Variants in FHAD1 observed in about 807,000 individuals in gnomAD.
FHAD1 encodes the protein forkhead-associated domain-containing protein 1.
A neutral mutation model predicts 191.3 loss-of-function variants in FHAD1; 146 were observed. The ratio of observed to expected loss-of-function variants is 0.76; its 90% confidence interval spans 0.67 to 0.88. FHAD1 has a LOEUF of 0.88. Among genes scored for constraint, FHAD1 ranks in the 40% least tolerant of loss-of-function variants. The pLI is 0.00. For missense variants in FHAD1, 1,635 were observed against 1,785.8 expected (o/e 0.92, Z 1.52); for synonymous variants, 616 against 672.3 (o/e 0.92, Z 1.29).
rs1220249300 is a variant in FHAD1, at chr1:15,381,753, C to T, written c.4023-275C>T. On this transcript the variant is annotated intron_variant, in intron 30 of 33. Coordinates refer to ENST00000688493, the MANE Select transcript of FHAD1 (RefSeq NM_001391957.1). This position sits in a 1 kb window ranked among gnomAD's most constrained non-coding sequence, Gnocchi z 4.6. ...CCCAGTTGTGTAGCATTGACAGCTC[C>T]GTCATATTTTCAAGAGTCGCAGTTC... Among the ~76,000 whole-genome samples, 2 of 151,990 alleles carry T rather than the reference C, an allele frequency of 1.3e-5. No individual in the cohort carries two copies. The highest frequency in any genetic ancestry group is 1.9e-4 in the East Asian group (1 of 5,142).
intron 16 of FHAD1, among the ~76,000 whole-genome samples, chr1:15,342,293 A>G (rs1377166991): frequency 6.6e-6 from 1 of 152,196 alleles, no homozygotes; most frequent in African/African-American, 2.4e-5. Context: ...ACAAATGGTC[A>G]AAATTGCTAC....
intron 8 of FHAD1, chr1:15,314,708 G>GT: frequency 4.5e-4 from 1 of 2,220 alleles, no homozygotes; most frequent in African/African-American, 2.7e-3. Flanking sequence ...GTGTAAGTGT[G>GT]TATGGGTGTG....
At chr1:15,288,143 G>A (rs1251424712) in intron 3 of FHAD1, among the ~76,000 whole-genome samples, 2 of 152,218 alleles carry the variant, frequency 1.3e-5, no homozygotes, top group African/African-American at 4.8e-5. Flanking sequence ...ACCACTGCCT[G>A]TGCTGGGTAA....
rs1553250905 is a variant in FHAD1 at position 15,295,648 on chromosome 1, T to TATAC, written c.569-1035_569-1034insTACA. 1.5e-3 allele frequency among the ~76,000 whole-genome samples: 235 copies of TATAC among 152,210 alleles called. 2 individuals are homozygous for TATAC. The highest frequency in any genetic ancestry group is 5.4e-3 in the African/African-American group (226 of 41,516). On this transcript the variant is annotated intron_variant, in intron 4 of 33. Coordinates refer to ENST00000688493, the MANE Select transcript of FHAD1 (RefSeq NM_001391957.1). Reference sequence around the variant, plus strand: ...CTCTCTCTAAACATATATATATATATACACACATACTCATACATATATATT... The same window carrying TATAC: ...CTCTCTCTAAACATATATATATATATATACACACACATACTCATACATATATATT...
intron 31 of FHAD1, among the ~76,000 whole-genome samples, chr1:15,385,547 A>C (rs1326124448): frequency 6.6e-6 from 1 of 152,170 alleles, no homozygotes; most frequent in Non-Finnish European, 1.5e-5. Flanking sequence ...GAACTTTGGG[A>C]GGCTGATGCA....
At chr1:15,348,994 C>G in intron 18 of FHAD1, 48 bp from the exon 19 acceptor site, 1 of 1,105,742 alleles carries the variant, frequency 9.0e-7, no homozygotes, top group Non-Finnish European at 1.3e-6. Context: ...CTAGCAATTT[C>G]CCCCCTAAAT....
At position 15,247,378 on chromosome 1, in the gene FHAD1, G is replaced by A. The variant is rs1015008051; in HGVS notation, c.-32G>A. ...GCTCTCGGCGGAGGTCGGAGCGTGG[G>A]CTTCCTCCTCCCGCCAGGTGAGTGC... is the stretch of plus-strand genomic sequence containing the variant. On this transcript the variant is annotated 5_prime_UTR_variant, in exon 1 of 34. Transcript: ENST00000688493. The A allele has an allele frequency of 9.0e-6, 2 of 223,290 alleles. No homozygotes were observed. Among genetic ancestry groups the A allele is most frequent in the South Asian group, 7.2e-5 (2 of 27,658 alleles). The allele number at this position is 223,290 out of a possible 1,614,324, so 13.8% of individuals were successfully genotyped here. A position where few individuals can be genotyped will look rare whatever the true frequency, so the allele number is the denominator to read the frequency against.
At chr1:15,317,261 T>C (rs1247509029) in intron 9 of FHAD1, among the ~76,000 whole-genome samples, 2 of 152,090 alleles carry the variant, frequency 1.3e-5, no homozygotes, top group African/African-American at 2.4e-5. Flanking sequence ...AATAAGACCA[T>C]TAAAAGTCAA....
At chr1:15,380,835 C>A in intron 29 of FHAD1, 39 bp downstream of exon 29, 1 of 1,474,782 alleles carries the variant, frequency 6.8e-7, no homozygotes, top group Non-Finnish European at 9.3e-7. Context: ...CTATCCAAAG[C>A]CTGGGGCCCC....
chr1:15,343,515 C>A (rs1363582019), intron 16 of FHAD1, among the ~76,000 whole-genome samples: 1 of 152,192 alleles, frequency 6.6e-6, no homozygotes, highest in Non-Finnish European at 1.5e-5. Flanking sequence ...CTCCCTCTTT[C>A]ATCTCCATCC....
chr1:15,333,209 G>T lies in FHAD1; in HGVS notation c.1906+3668G>T, dbSNP rs1238803642. 2.0e-5 allele frequency among the ~76,000 whole-genome samples: 3 copies of T among 152,144 alleles called. No individual in the cohort carries two copies. In the East Asian group the frequency reaches 5.8e-4, roughly 29 times the overall value. ...TCTAATACAAGCAATATTACGTCAA[G>T]CGCCCAAAAGACTAAAAGAAAAGGG... is the stretch of plus-strand genomic sequence containing the variant. On this transcript the variant is annotated intron_variant, in intron 14 of 33. Transcript: ENST00000688493.
intron 32 of FHAD1, among the ~76,000 whole-genome samples, chr1:15,389,230 C>G (rs998113860): frequency 6.6e-6 from 1 of 151,986 alleles, no homozygotes. Flanking sequence ...CGGATGGCTT[C>G]AACCCAGGAG....
In FHAD1 at chr1:15,381,918, T is replaced by G; in HGVS notation, c.4023-110T>G. 8.2e-7 allele frequency: 1 copy of G among 1,216,176 alleles called. No individual in the cohort carries two copies. The highest frequency in any genetic ancestry group is 1.1e-6 in the Non-Finnish European group (1 of 869,672). 75.3% of individuals were successfully genotyped at this position (1,216,176 alleles called of 1,614,324 possible). A position where few individuals can be genotyped will look rare whatever the true frequency, so the allele number is the denominator to read the frequency against. ...GCTCTCCTGCTTGTGATGACACTCC[T>G]GAGTGAGCCCCCACTGTGGATGTAT... On this transcript the variant is annotated intron_variant, in intron 30 of 33. Transcript: ENST00000688493. The surrounding 1 kb of genome is among the most constrained non-coding windows in gnomAD (Gnocchi z 4.6).
At position 15,289,438 on chromosome 1, in the gene FHAD1, G is replaced by A. The variant is rs763173102; in HGVS notation, c.340G>A (p.Gly114Arg). The stretch of plus-strand genomic sequence containing the variant: ...GATGAGGGGCCCAGCACCATGGCCA[G>A]GGCCACAGCCACCTCGTGCCACACA... ...PWMRGPAPWP[G>R]PQPPRATQQP... Residue 114 changes from glycine to arginine, a missense_variant, in exon 4 of 34, where the codon GGG (glycine) becomes AGG (arginine). Gly to Arg is a moderately radical substitution (Grantham distance 125). Transcript: ENST00000688493. The surrounding 1 kb of genome is among the most constrained non-coding windows in gnomAD (Gnocchi z 4.2). The A allele has an allele frequency of 6.4e-7, 1 of 1,551,716 alleles. No homozygotes were observed. The highest frequency in any genetic ancestry group is 1.2e-5 in the South Asian group (1 of 84,048).
downstream of FHAD1, among the ~76,000 whole-genome samples, chr1:15,399,433 G>T (rs540748995): frequency 6.6e-6 from 1 of 152,052 alleles, no homozygotes; most frequent in Non-Finnish European, 1.5e-5. Flanking sequence ...TGGCATGGTG[G>T]TGTGTGCCAG....
chr1:15,396,053 T>C (rs936198588), intron 33 of FHAD1, among the ~76,000 whole-genome samples: 2 of 152,216 alleles, frequency 1.3e-5, no homozygotes, highest in African/African-American at 4.8e-5. Flanking sequence ...CTCACACCTG[T>C]AATCCCAGCA....
rs1696268082 is a variant in FHAD1 at position 15,365,891 on chromosome 1, A to G, written c.3112A>G (p.Lys1038Glu). ...SQQEVIMKLRKDLTEAHSRMS... is the reference protein window; with the variant it reads ...SQQEVIMKLREDLTEAHSRMS... ...GCAGGAAGTCATCATGAAGTTAAGG[A>G]AAGACCTTACCGAAGCCCACAGCAG... Residue 1038 changes from lysine (K) to glutamate (E), a missense_variant, in exon 24 of 34, where the codon AAA (lysine) becomes GAA (glutamate). Transcript: ENST00000688493. 2 of 1,551,702 alleles carry G rather than the reference A, an allele frequency of 1.3e-6. No individual in the cohort carries two copies. The highest frequency in any genetic ancestry group is 8.7e-7 in the Non-Finnish European group (1 of 1,146,954).
chr1:15,291,154 C>T (rs1369503135), intron 4 of FHAD1, among the ~76,000 whole-genome samples: 5 of 149,360 alleles, frequency 3.3e-5, no homozygotes, highest in African/African-American at 1.2e-4. Context: ...ACTCTATTGC[C>T]CAAGCTGGAG....
At chr1:15,356,491 G>A (rs2102565652) in intron 20 of FHAD1, among the ~76,000 whole-genome samples, 1 of 152,316 alleles carries the variant, frequency 6.6e-6, no homozygotes, top group East Asian at 1.9e-4. Context: ...AAGAATAGAA[G>A]TTGCAGGTGC....
Sources: gnomAD v4.1 joint callset for allele counts (sites outside exome capture counted in the v4.1 genomes callset) on GRCh38, gnomAD v4.1.1 for gene constraint, Gnocchi (gnomAD v3.1) non-coding constraint, MANE v1.5 for transcripts, NCBI Gene and HGNC (gene_info 2026-07-23, HGNC 2026-07-21) for gene names.